HCN1: variants seen among roughly 807,000 people sequenced by gnomAD.
HCN1 encodes potassium/sodium hyperpolarization-activated cyclic nucleotide-gated channel 1.
HCN1 carries 13 observed loss-of-function variants against 78.9 expected under a neutral mutation model. That is an observed-to-expected ratio of 0.16 (90% CI 0.11 to 0.26). HCN1 has a LOEUF of 0.26. Among genes scored for constraint, HCN1 ranks in the 10% least tolerant of loss-of-function variants. HCN1 has a pLI of 1.00. For synonymous variants in HCN1, 552 were observed against 455.5 expected (o/e 1.21, Z -2.70); for missense variants, 810 against 1,154.3 (o/e 0.70, Z 4.32).
At position 45,287,080 on chromosome 5, in the gene HCN1, CGTGTGTGTGTGTGTGTGTCT is replaced by C. The variant is rs574149196; in HGVS notation, c.1618+16499_1618+16518del. ...ATTTAGCAATAGGCTAGAAGGTATG[CGTGTGTGTGTGTGTGTGTCT>C]GTGTGTGTGTGTGTATGTGATGTGT... On this transcript the variant is annotated intron_variant, in intron 6 of 7. Coordinates refer to ENST00000303230, the MANE Select transcript of HCN1 (RefSeq NM_021072.4). 2.1e-3 allele frequency among the ~76,000 whole-genome samples: 310 copies of C among 148,252 alleles called. 1 individual carries two copies. Among genetic ancestry groups the C allele is most frequent in the African/African-American group, 7.2e-3 (292 of 40,550 alleles).
rs1405246928 is a variant in HCN1, at chr5:45,373,832, CTATAA to C, written c.1231-20591_1231-20587del. Among the ~76,000 whole-genome samples the C allele has an allele frequency of 1.9e-3, 240 of 124,360 alleles. 2 individuals carry two copies. The highest frequency in any genetic ancestry group is 2.9e-3 in the Non-Finnish European group (179 of 61,262). 81.6% of individuals were successfully genotyped at this position (124,360 alleles called of 152,430 possible). A position where few individuals can be genotyped will look rare whatever the true frequency, so the allele number is the denominator to read the frequency against. On this transcript the variant is annotated intron_variant, in intron 4 of 7. Coordinates refer to ENST00000303230, the MANE Select transcript of HCN1 (RefSeq NM_021072.4). ...ATATTACATACGGTATATACGTCAT[CTATAA>C]TATATTACATACGGTATATACGTCA...
intron 2 of HCN1, among the ~76,000 whole-genome samples, chr5:45,567,945 C>T (rs1340960637): frequency 7.3e-6 from 1 of 136,202 alleles, no homozygotes; most frequent in Non-Finnish European, 1.6e-5. Context: ...CACACACACA[C>T]ATATACACAC....
At chr5:45,382,483 A>G (rs951102021) in intron 4 of HCN1, among the ~76,000 whole-genome samples, 3 of 152,160 alleles carry the variant, frequency 2.0e-5, no homozygotes, top group African/African-American at 7.2e-5. Flanking sequence ...CCTTTTCTTC[A>G]TAACACCATA....
rs1377067259 is a variant in HCN1 at position 45,457,667 on chromosome 5, C to T, written c.1011+4179G>A. ...AATGAACAGAAATTTATTTAGCTCA[C>T]AGTCCTGGAGGCTGGGATATCCAAG... On this transcript the variant is annotated intron_variant, in intron 3 of 7. Transcript: ENST00000303230. Among the ~76,000 whole-genome samples the T allele has an allele frequency of 2.6e-5, 4 of 152,214 alleles. No individual in the cohort carries two copies. In the East Asian group the frequency reaches 5.8e-4, roughly 22 times the overall value.
At chr5:45,281,578 T>TC (rs1745168122) in intron 6 of HCN1, among the ~76,000 whole-genome samples, 3 of 144,594 alleles carry the variant, frequency 2.1e-5, no homozygotes, top group Non-Finnish European at 4.5e-5. Context: ...GCTCTTCTCT[T>TC]CTTTTTTTTT....
At chr5:45,599,474 G>T (rs1339525351) in intron 2 of HCN1, among the ~76,000 whole-genome samples, 1 of 152,024 alleles carries the variant, frequency 6.6e-6, no homozygotes, top group Non-Finnish European at 1.5e-5. Flanking sequence ...GAGTTGATGG[G>T]TGCAGCAAAC....
At chr5:45,598,390 C>T (rs892596555) in intron 2 of HCN1, among the ~76,000 whole-genome samples, 2 of 152,124 alleles carry the variant, frequency 1.3e-5, no homozygotes, top group Non-Finnish European at 2.9e-5. Context: ...TGGACCCCTT[C>T]CTTACACCTT....
intron 2 of HCN1, among the ~76,000 whole-genome samples, chr5:45,465,275 A>T (rs913688786): frequency 1.3e-5 from 2 of 152,138 alleles, no homozygotes; most frequent in African/African-American, 4.8e-5. Context: ...AAAAAATCAA[A>T]AACTTCACTA....
At chr5:45,420,861 G>C (rs144583566) in intron 3 of HCN1, among the ~76,000 whole-genome samples, 2 of 152,214 alleles carry the variant, frequency 1.3e-5, no homozygotes, top group African/African-American at 4.8e-5. Context: ...TGAAAACCAG[G>C]TAAGGCTCTA....
chr5:45,433,721 G>A (rs1740509817), intron 3 of HCN1, among the ~76,000 whole-genome samples: 1 of 151,924 alleles, frequency 6.6e-6, no homozygotes, highest in Non-Finnish European at 1.5e-5. Context: ...TATGTGTTTT[G>A]TTGAAGGTTC....
intron 2 of HCN1, among the ~76,000 whole-genome samples, chr5:45,530,058 C>CA (rs1742806646): frequency 1.3e-5 from 2 of 151,980 alleles, no homozygotes; most frequent in Non-Finnish European, 2.9e-5. Flanking sequence ...ATAATAGAGA[C>CA]GAATTAAGAC....
At chr5:45,432,664 G>T (rs1740485895) in intron 3 of HCN1, among the ~76,000 whole-genome samples, 1 of 152,048 alleles carries the variant, frequency 6.6e-6, no homozygotes, top group Non-Finnish European at 1.5e-5. Flanking sequence ...TTCCTTCATG[G>T]CCTAGTGTGT....
chr5:45,262,016 G>T lies in HCN1; in HGVS notation c.2578C>A (p.Pro860Thr), dbSNP rs1396579079. Residue 860 changes from proline (P) to threonine (T), a missense_variant, in exon 8 of 8, where the codon CCC (proline) becomes ACC (threonine). Physicochemically the swap from Pro to Thr is conservative, Grantham distance 38. Transcript: ENST00000303230. ...IPPNRGVPPA[P>T]PPPAAALPRE... ...GGAAGAGCAGCTGCTGGTGGAGGGG[G>T]TGCTGGAGGGACTCCTCGGTTCGGG... 9.9e-6 allele frequency: 16 copies of T among 1,614,122 alleles called. No individual in the cohort carries two copies. Among genetic ancestry groups the T allele is most frequent in the Non-Finnish European group, 1.4e-5 (16 of 1,180,022 alleles).
At chr5:45,471,555 A>G (rs1741389419) in intron 2 of HCN1, among the ~76,000 whole-genome samples, 1 of 151,822 alleles carries the variant, frequency 6.6e-6, no homozygotes, top group African/African-American at 2.4e-5. Context: ...TGTTTTATAG[A>G]TGTATTCCTT....
rs188051156 is a variant in HCN1 at position 45,378,287 on chromosome 5, C to A, written c.1230+18205G>T. Among the ~76,000 whole-genome samples the A allele has an allele frequency of 2.1e-3, 319 of 152,124 alleles. 2 individuals carry two copies. Among genetic ancestry groups the A allele is most frequent in the Middle Eastern group, 6.8e-3 (2 of 294 alleles). ...CAGCATGTTTTGTTGTTCTTCAGTT[C>A]TTATTAATTCTTGGGTCAAACTTTT... On this transcript the variant is annotated intron_variant, in intron 4 of 7. Coordinates refer to ENST00000303230, the MANE Select transcript of HCN1 (RefSeq NM_021072.4).
At chr5:45,546,952 C>G (rs1401143514) in intron 2 of HCN1, among the ~76,000 whole-genome samples, 3 of 151,880 alleles carry the variant, frequency 2.0e-5, no homozygotes, top group Non-Finnish European at 4.4e-5. Flanking sequence ...TCCGCATCGT[C>G]TTAGTTTCCC....
rs1060500096 is a variant in HCN1, at chr5:45,696,026, G to A, written c.68C>T (p.Ala23Val). 23 of 1,322,636 alleles carry A rather than the reference G, an allele frequency of 1.7e-5. No homozygotes were observed. The Admixed American group carries it at 2.2e-4, about 13-fold the overall frequency. 81.9% of individuals were successfully genotyped at this position (1,322,636 alleles called of 1,614,324 possible). The change falls in exon 1 of 8, where the codon GCC becomes GTC. Residue 23 changes from alanine (A) to valine (V), a missense_variant. This residue lies in a region of HCN1 where 170 missense variants were observed against 166.8 expected (regional missense o/e 1.02). Transcript: ENST00000303230. ...CCCCGCGCCCGTCGCGGACGCCTTG[G>A]CGGGGAAGACGCTGTTGCCATCGTC... ...SRDDGNSVFP[A>V]KASATGAGPA...
chr5:45,447,002 ACAT>A (rs1740813594), intron 3 of HCN1, among the ~76,000 whole-genome samples: 1 of 152,122 alleles, frequency 6.6e-6, no homozygotes, highest in African/African-American at 2.4e-5. Context: ...TAACCAGCTA[ACAT>A]CATAATGACA....
intron 1 of HCN1, among the ~76,000 whole-genome samples, chr5:45,691,793 C>T (rs1485545430): frequency 1.3e-5 from 2 of 152,142 alleles, no homozygotes; most frequent in Non-Finnish European, 2.9e-5. Flanking sequence ...TGAAGCCTCC[C>T]TTCCCTAATG....
Sources: gnomAD v4.1 joint callset for allele counts (sites outside exome capture counted in the v4.1 genomes callset) on GRCh38, gnomAD v4.1.1 for gene constraint, gnomAD v4.1.1 regional missense constraint, MANE v1.5 for transcripts, NCBI Gene and HGNC (gene_info 2026-07-23, HGNC 2026-07-21) for gene names.